CSMD3: variants seen among roughly 807,000 people sequenced by gnomAD.
CSMD3 encodes CUB and sushi domain-containing protein 3.
CSMD3 carries 177 observed loss-of-function variants against 435.2 expected under a neutral mutation model. That is an observed-to-expected ratio of 0.41 (90% confidence interval 0.36 to 0.46). The LOEUF (loss-of-function observed/expected upper bound fraction) is 0.46, where lower values mean the gene tolerates loss of function less well. CSMD3 is among the 20% of genes least tolerant of loss of function. The probability of loss-of-function intolerance (pLI) is 0.34; values close to 1 mark genes in which losing one functional copy is unlikely to be tolerated. For synonymous variants in CSMD3, 1,656 were observed against 1,520.5 expected, an observed-to-expected ratio of 1.09 and a Z score of -2.07; for missense variants, 4,265 against 4,504.6, an observed-to-expected ratio of 0.95 and a Z score of 1.52.
chr8:113,066,808 G>A (rs1327150874), intron 5 of CSMD3, among the ~76,000 whole-genome samples: 3 of 151,494 alleles, frequency 2.0e-5, no homozygotes, highest in African/African-American at 7.3e-5. Context: ...AGTAGAGCTA[G>A]AAAAAAAACA....
intron 13 of CSMD3, 138 bp from the exon 14 acceptor site, chr8:112,690,188 T>A (rs977351229): frequency 1.5e-6 from 1 of 668,088 alleles, no homozygotes; most frequent in African/African-American, 1.8e-5. Flanking sequence ...AATCTTTTTT[T>A]TTTTGGCCAT....
intron 57 of CSMD3, among the ~76,000 whole-genome samples, chr8:112,288,820 T>A (rs994315762): frequency 6.6e-6 from 1 of 152,112 alleles, no homozygotes; most frequent in Non-Finnish European, 1.5e-5. Context: ...AAGATAACTC[T>A]AAGCAATATG....
chr8:113,217,514 A>C (rs936611665), intron 3 of CSMD3, among the ~76,000 whole-genome samples: 2 of 151,792 alleles, frequency 1.3e-5, no homozygotes, highest in Non-Finnish European at 2.9e-5. Flanking sequence ...CAGTAGAGAA[A>C]TTAAAGCTAT....
chr8:112,852,110 C>T (rs1180058523), intron 11 of CSMD3, among the ~76,000 whole-genome samples: 1 of 151,988 alleles, frequency 6.6e-6, no homozygotes, highest in African/African-American at 2.4e-5. Flanking sequence ...GACTTCAGTA[C>T]CTGAAAAAGG....
chr8:112,641,030 G>T (rs188531538), intron 20 of CSMD3, among the ~76,000 whole-genome samples: 1 of 152,166 alleles, frequency 6.6e-6, no homozygotes, highest in South Asian at 2.1e-4. Flanking sequence ...ACCTTTCTGA[G>T]CCCTACTTTC....
intron 11 of CSMD3, among the ~76,000 whole-genome samples, chr8:112,830,509 A>G: frequency 6.6e-6 from 1 of 152,126 alleles, no homozygotes; most frequent in East Asian, 1.9e-4. Flanking sequence ...AAAAATAGCT[A>G]TAATATTGAA....
chr8:113,420,720 GATGGATC>G (rs1376345168), intron 1 of CSMD3, among the ~76,000 whole-genome samples: 1 of 152,046 alleles, frequency 6.6e-6, no homozygotes, highest in Non-Finnish European at 1.5e-5. Flanking sequence ...GGCGGAGGCG[GATGGATC>G]ACCTGAGGTC....
chr8:112,423,948 G>T (rs1036825866), intron 32 of CSMD3, among the ~76,000 whole-genome samples: 4 of 152,040 alleles, frequency 2.6e-5, no homozygotes, highest in African/African-American at 4.8e-5. Flanking sequence ...TACTTAATAT[G>T]CTATAATTCC....
intron 70 of CSMD3, among the ~76,000 whole-genome samples, chr8:112,227,117 T>C (rs1273623434): frequency 6.6e-6 from 1 of 152,146 alleles, no homozygotes; most frequent in Non-Finnish European, 1.5e-5. Flanking sequence ...CAAAAACTTA[T>C]ACACAAATGT....
At chr8:112,774,337 C>A (rs969480913) in intron 13 of CSMD3, among the ~76,000 whole-genome samples, 1 of 152,010 alleles carries the variant, frequency 6.6e-6, no homozygotes, top group African/African-American at 2.4e-5. Flanking sequence ...ATCTACACAA[C>A]ATACGGACAT....
intron 37 of CSMD3, among the ~76,000 whole-genome samples, chr8:112,383,031 C>A (rs1288085401): frequency 6.6e-6 from 1 of 152,104 alleles, no homozygotes; most frequent in Non-Finnish European, 1.5e-5. Flanking sequence ...ATTTTAAAAA[C>A]AAGTCAACAT....
intron 1 of CSMD3, among the ~76,000 whole-genome samples, chr8:113,334,721 T>G (rs2094057536): frequency 6.6e-6 from 1 of 152,110 alleles, no homozygotes; most frequent in Non-Finnish European, 1.5e-5. Flanking sequence ...CTTTTGTAAT[T>G]GTGAATTCTA....
intron 1 of CSMD3, among the ~76,000 whole-genome samples, chr8:113,335,683 G>A (rs2094068828): frequency 6.6e-6 from 1 of 151,082 alleles, no homozygotes; most frequent in Non-Finnish European, 1.5e-5. Context: ...ACAATGTTGT[G>A]AGTAAAGTGT....
intron 5 of CSMD3, among the ~76,000 whole-genome samples, chr8:113,073,935 G>C (rs1588018470): frequency 6.6e-6 from 1 of 151,676 alleles, no homozygotes; most frequent in East Asian, 1.9e-4. Flanking sequence ...AAACAGTCTT[G>C]TCCTCCTATA....
At chr8:112,592,488 AC>A (rs1475782234) in intron 22 of CSMD3, among the ~76,000 whole-genome samples, 1 of 152,022 alleles carries the variant, frequency 6.6e-6, no homozygotes, top group Non-Finnish European at 1.5e-5. Context: ...TTTCATAGCT[AC>A]TTTTTCCCCT....
chr8:113,257,856 A>T (rs564142041), intron 3 of CSMD3, among the ~76,000 whole-genome samples: 1 of 152,310 alleles, frequency 6.6e-6, no homozygotes, highest in East Asian at 1.9e-4. Context: ...GTCTTTATAA[A>T]CATACTGGAA....
At chr8:113,217,188 A>C (rs2092915261) in intron 3 of CSMD3, among the ~76,000 whole-genome samples, 1 of 150,672 alleles carries the variant, frequency 6.6e-6, no homozygotes, top group Non-Finnish European at 1.5e-5. Flanking sequence ...AAGAGGTGTA[A>C]ATTATGCCAG....
At chr8:112,604,042 A>G (rs1248237999) in intron 22 of CSMD3, among the ~76,000 whole-genome samples, 1 of 152,196 alleles carries the variant, frequency 6.6e-6, no homozygotes, top group Non-Finnish European at 1.5e-5. Context: ...ATTTAAGATC[A>G]TCATCCATTC....
rs535018570 is a variant in CSMD3 at position 112,531,302 on chromosome 8, C to A, written c.4565-14077G>T. 5.9e-5 allele frequency among the ~76,000 whole-genome samples: 9 copies of A among 152,206 alleles called. No homozygotes were observed. The South Asian group carries it at 1.5e-3, about 25-fold the overall frequency. On this transcript the variant is annotated intron_variant, in intron 27 of 70. Transcript: ENST00000297405. ...GCTACCCTGGCAGGATGGAACAAAC[C>A]CAAATCTGAGCTGGCTTCACTACCA... is the stretch of plus-strand genomic sequence containing the variant.
Sources: gnomAD v4.1 joint callset for allele counts (sites outside exome capture counted in the v4.1 genomes callset) on GRCh38, gnomAD v4.1.1 for gene constraint, MANE v1.5 for transcripts, NCBI Gene and HGNC (gene_info 2026-07-23, HGNC 2026-07-21) for gene names.